RPA3: variants seen among roughly 807,000 people sequenced by gnomAD.
The protein encoded by RPA3 is replication protein A3.
A neutral mutation model predicts 13.7 loss-of-function variants in RPA3; 24 were observed. The observed-to-expected ratio is 1.75, with a 90% CI of 1.27 to 2.46. RPA3 has a LOEUF of 2.46. Among genes scored for constraint, RPA3 ranks in the 30% most tolerant of loss-of-function variants. RPA3 has a pLI of 0.00. For missense variants in RPA3, 183 were observed against 151.0 expected (o/e 1.21, Z -1.11); for synonymous variants, 59 against 51.2 (o/e 1.15, Z -0.65).
At chr7:7,647,919 T>C (rs1785133898) in intron 4 of RPA3, among the ~76,000 whole-genome samples, 1 of 152,164 alleles carries the variant, frequency 6.6e-6, no homozygotes, top group Non-Finnish European at 1.5e-5. Flanking sequence ...TTTAAAGTTT[T>C]TGTTGTTGTT....
At position 7,637,926 on chromosome 7, in the gene RPA3, G is replaced by A. The variant is rs776927051; in HGVS notation, c.221C>T (p.Thr74Ile). The A allele has an allele frequency of 2.8e-5, 45 of 1,613,520 alleles. No individual in the cohort carries two copies. The highest frequency in any genetic ancestry group is 3.6e-5 in the Non-Finnish European group (42 of 1,179,754). The change falls in exon 7 of 8, where the codon ACC (threonine) becomes ATC (isoleucine). Residue 74 changes from threonine (T) to isoleucine (I), a missense_variant. Transcript: ENST00000223129. ...SGIVEVVGRV[T>I]AKATILCTSY... is the part of the protein sequence containing the mutation. ...TGTACACAAGATGGTGGCCTTGGCG[G>A]TTACTCTTCCAACCACTTCCACAAT...
chr7:7,714,988 T>G (rs1408915612), intron 2 of RPA3, among the ~76,000 whole-genome samples, 187 bp downstream of exon 2: 1 of 152,058 alleles, frequency 6.6e-6, no homozygotes, highest in Non-Finnish European at 1.5e-5. Context: ...GGAATTACAG[T>G]TGCCATAGGC....
intron 4 of RPA3, among the ~76,000 whole-genome samples, chr7:7,656,486 G>A (rs1007876674): frequency 6.6e-6 from 1 of 151,968 alleles, no homozygotes; most frequent in Non-Finnish European, 1.5e-5. Context: ...CCCATGACAG[G>A]CCCCAGTGTG....
At chr7:7,678,498 T>A (rs1779809028) in intron 4 of RPA3, among the ~76,000 whole-genome samples, 1 of 140,596 alleles carries the variant, frequency 7.1e-6, no homozygotes, top group Non-Finnish European at 1.5e-5. Context: ...ATAATATATA[T>A]TTATATATTT....
chr7:7,676,127 C>T (rs577457512), intron 4 of RPA3: 5 of 398,508 alleles, frequency 1.3e-5, no homozygotes, highest in Non-Finnish European at 2.2e-5. Flanking sequence ...TCTCCAGTGA[C>T]GTGCTGTTAA....
rs34122358 is a variant in RPA3, at chr7:7,642,307, A to ATT, written c.-757-1134_-757-1133dup. On this transcript the variant is annotated intron_variant, in intron 4 of 7. Coordinates refer to ENST00000223129, the MANE Select transcript of RPA3 (RefSeq NM_002947.5). ...ATACCACCACACCCAGCTAATAAAG[A>ATT]TTTTTTTTTTGTTGTTTGTTTTTTT... Among the ~76,000 whole-genome samples, 29 of 149,472 alleles carry ATT rather than the reference A, an allele frequency of 1.9e-4. No individual in the cohort carries two copies. The South Asian group carries it at 3.6e-3, about 19-fold the overall frequency.
intron 4 of RPA3, among the ~76,000 whole-genome samples, chr7:7,656,988 A>G (rs1785359179): frequency 6.6e-6 from 1 of 152,076 alleles, no homozygotes. Flanking sequence ...TTGTTTCCTG[A>G]CTTTTTAATG....
intron 4 of RPA3, among the ~76,000 whole-genome samples, chr7:7,659,854 C>T (rs1254779802): frequency 6.6e-6 from 1 of 152,068 alleles, no homozygotes; most frequent in Non-Finnish European, 1.5e-5. Flanking sequence ...CCTGAATATC[C>T]TTGTTAATTT....
At chr7:7,702,852 A>G (rs2115156711) in intron 2 of RPA3, among the ~76,000 whole-genome samples, 1 of 152,302 alleles carries the variant, frequency 6.6e-6, no homozygotes. Context: ...CAAGTCAACC[A>G]GTTTGTTTGC....
chr7:7,643,167 C>G (rs985809584), intron 4 of RPA3, among the ~76,000 whole-genome samples: 7 of 152,106 alleles, frequency 4.6e-5, no homozygotes, highest in African/African-American at 1.7e-4. Flanking sequence ...TCCTGATGGT[C>G]CACACCTGTT....
At chr7:7,695,150 C>A (rs968006318) in intron 2 of RPA3, among the ~76,000 whole-genome samples, 3 of 152,166 alleles carry the variant, frequency 2.0e-5, no homozygotes, top group Non-Finnish European at 1.5e-5. Context: ...ATGTTGAGCA[C>A]CTTTTCATAT....
chr7:7,692,798 C>T (rs528068749), intron 2 of RPA3, among the ~76,000 whole-genome samples: 5 of 152,140 alleles, frequency 3.3e-5, no homozygotes, highest in African/African-American at 9.6e-5. Flanking sequence ...TTAGTAGAGA[C>T]GGGGTTCACC....
At position 7,640,272 on chromosome 7, in the gene RPA3, C is replaced by T; in HGVS notation, c.99+48G>A. On this transcript the variant is annotated intron_variant, in intron 5 of 7. Transcript: ENST00000223129. ...ATCCCCCGTTATCCAGGCGGGGTCC[C>T]TCCCTCCAGCTACGGACTTGGGAGC... 5.0e-6 allele frequency: 8 copies of T among 1,586,054 alleles called. No homozygotes were observed. The South Asian group carries it at 5.5e-5, about 11-fold the overall frequency.
intron 2 of RPA3, among the ~76,000 whole-genome samples, chr7:7,695,623 A>C (rs935960406): frequency 1.3e-5 from 2 of 152,104 alleles, no homozygotes; most frequent in African/African-American, 2.4e-5. Flanking sequence ...TGGAATTTCT[A>C]CTCACAGGAT....
At chr7:7,677,789 T>A (rs1050091161) in intron 4 of RPA3, among the ~76,000 whole-genome samples, 6 of 146,550 alleles carry the variant, frequency 4.1e-5, no homozygotes, top group African/African-American at 7.6e-5. Context: ...TTCTCCTGCC[T>A]CAGCCTCCCA....
At chr7:7,654,946 T>C (rs1016907530) in intron 4 of RPA3, among the ~76,000 whole-genome samples, 7 of 151,994 alleles carry the variant, frequency 4.6e-5, no homozygotes, top group African/African-American at 1.7e-4. Context: ...TGTTGTACTG[T>C]TTTTTATTTT....
chr7:7,639,068 A>G lies in RPA3; in HGVS notation c.174+2T>C, dbSNP rs369626132. Reference sequence around the variant, plus strand: ...AAGAGACTTATTAACACTTAAACATACGGGTTCCATCAACTCGATGGTTCC... The same window carrying G: ...AAGAGACTTATTAACACTTAAACATGCGGGTTCCATCAACTCGATGGTTCC... On this transcript the variant is annotated splice_donor_variant, in intron 6 of 7. Transcript: ENST00000223129. LOFTEE classifies it high-confidence loss of function. 45 of 1,608,004 alleles carry G rather than the reference A, an allele frequency of 2.8e-5. No individual in the cohort carries two copies. The highest frequency in any genetic ancestry group is 3.4e-5 in the Non-Finnish European group (40 of 1,176,634).
intron 4 of RPA3, among the ~76,000 whole-genome samples, chr7:7,675,755 G>C (rs1229766723): frequency 6.6e-6 from 1 of 152,078 alleles, no homozygotes. Context: ...TCATGGTGAG[G>C]AATCACTTCC....
chr7:7,651,975 C>T (rs1305965283), intron 4 of RPA3, among the ~76,000 whole-genome samples: 2 of 152,134 alleles, frequency 1.3e-5, no homozygotes, highest in African/African-American at 4.8e-5. Flanking sequence ...TCTCCCCTTG[C>T]AAGAGCTGTG....
Sources: gnomAD v4.1 joint callset for allele counts (sites outside exome capture counted in the v4.1 genomes callset) on GRCh38, gnomAD v4.1.1 for gene constraint, MANE v1.5 for transcripts, NCBI Gene and HGNC (gene_info 2026-07-23, HGNC 2026-07-21) for gene names.